The following ABCA1 variants were observed in gnomAD, a reference collection of about 807,000 sequenced individuals.
ABCA1 encodes the protein phospholipid-transporting ATPase ABCA1.
A neutral mutation model predicts 262.5 loss-of-function variants in ABCA1; 133 were observed. The observed-to-expected ratio is 0.51, with a 90% CI of 0.44 to 0.59. The LOEUF (loss-of-function observed/expected upper bound fraction) is 0.59. Among genes scored for constraint, ABCA1 ranks in the 20% least tolerant of loss-of-function variants. ABCA1 has a pLI of 0.00. For synonymous variants in ABCA1, 1,022 were observed against 1,043.5 expected, an observed-to-expected ratio of 0.98 and a Z score of 0.40; for missense variants, 2,452 against 2,777.5, an observed-to-expected ratio of 0.88 and a Z score of 2.63.
intron 30 of ABCA1, among the ~76,000 whole-genome samples, chr9:104,808,061 G>A (rs1465025760): frequency 6.6e-6 from 1 of 152,054 alleles, no homozygotes; most frequent in Non-Finnish European, 1.5e-5. Context: ...AAAGGGGATT[G>A]GCTGAGACAA....
Position 104,786,843 on chromosome 9 carries a change from CA to C in ABCA1, c.6308+29del, listed in dbSNP as rs776400012. On this transcript the variant is annotated intron_variant, in intron 47 of 49. Coordinates refer to ENST00000374736, the MANE Select transcript of ABCA1 (RefSeq NM_005502.4). ...CTACTTGGAAAGTTAAAACATCCCA[CA>C]GTGAGGAACCCAAGACTTTACTACG... 1.3e-5 allele frequency: 20 copies of C among 1,572,698 alleles called. No homozygotes were observed. In the African/African-American group the frequency reaches 2.6e-4, roughly 20 times the overall value.
chr9:104,800,468 A>G, intron 35 of ABCA1, 42 bp downstream of exon 35: 1 of 1,555,614 alleles, frequency 6.4e-7, no homozygotes, highest in Non-Finnish European at 8.9e-7. Flanking sequence ...CATAAGGATT[A>G]TTGTTCATCA....
At chr9:104,867,533 G>A (rs1588454054) in intron 5 of ABCA1, among the ~76,000 whole-genome samples, 1 of 152,222 alleles carries the variant, frequency 6.6e-6, no homozygotes, top group Non-Finnish European at 1.5e-5. Flanking sequence ...GCACATGTGT[G>A]TATGTGTGTG....
At position 104,825,832 on chromosome 9, in the gene ABCA1, T is replaced by C; in HGVS notation, c.2393A>G (p.Glu798Gly). Residue 798 changes from glutamate to glycine, a missense_variant, in exon 17 of 50, where the codon GAG becomes GGG. By Grantham distance (98) the Glu-to-Gly change is moderately conservative. Around this residue, in one of 4 missense-constraint regions of ABCA1, gnomAD observed 1,032 missense variants for 1,089.7 expected, o/e 0.95. Coordinates refer to ENST00000374736, the MANE Select transcript of ABCA1 (RefSeq NM_005502.4). Reference sequence around the variant, plus strand: ...CCACTGCACTCCAATGCCCTGCTCCTCAAAAAGGGCAAAGTACTCACAGCC... The same window carrying C: ...CCACTGCACTCCAATGCCCTGCTCCCCAAAAAGGGCAAAGTACTCACAGCC... ...GFGCEYFALF[E>G]EQGIGVQWDN... 1 of 1,614,146 alleles carries C rather than the reference T, an allele frequency of 6.2e-7. No individual in the cohort carries two copies. Among genetic ancestry groups the C allele is most frequent in the South Asian group, 1.1e-5 (1 of 91,086 alleles).
chr9:104,850,092 T>A (rs1835244171), intron 7 of ABCA1, among the ~76,000 whole-genome samples: 1 of 151,524 alleles, frequency 6.6e-6, no homozygotes, highest in South Asian at 2.1e-4. Flanking sequence ...CACGGCAAAA[T>A]GATGGATGAT....
At chr9:104,818,048 T>C (rs1486810581) in intron 23 of ABCA1, among the ~76,000 whole-genome samples, 2 of 152,156 alleles carry the variant, frequency 1.3e-5, no homozygotes, top group Non-Finnish European at 2.9e-5. Context: ...GTTATTTACC[T>C]GCTGGGTGAC....
chr9:104,844,848 A>G (rs1016728252), intron 8 of ABCA1, among the ~76,000 whole-genome samples: 1 of 152,176 alleles, frequency 6.6e-6, no homozygotes, highest in African/African-American at 2.4e-5. Flanking sequence ...AGAAAGGTGG[A>G]GTGTGCACTG....
At chr9:104,890,677 G>T (rs756077114) in intron 2 of ABCA1, among the ~76,000 whole-genome samples, 20 of 151,850 alleles carry the variant, frequency 1.3e-4, no homozygotes, top group Non-Finnish European at 2.4e-4. Context: ...TAGCTCACTG[G>T]AACGTCAAAC....
At chr9:104,790,173 T>C (rs1829305713) in intron 44 of ABCA1, among the ~76,000 whole-genome samples, 1 of 151,952 alleles carries the variant, frequency 6.6e-6, no homozygotes, top group Non-Finnish European at 1.5e-5. Context: ...CTATAAAATG[T>C]AGCTGTATTC....
Position 104,840,345 on chromosome 9 carries a change from AGTT to A in ABCA1, c.985_987del (p.Asn329del). 1.9e-6 allele frequency: 3 copies of A among 1,614,182 alleles called. No individual in the cohort carries two copies. Among genetic ancestry groups the A allele is most frequent in the Non-Finnish European group, 2.5e-6 (3 of 1,180,048 alleles). ...CCATTGCCTCCAAAGAGGGCTTTGTAGTTGTTGTCCTCATACCAGTTGAGAGAC... is the reference window on the plus strand; with the variant it reads ...CCATTGCCTCCAAAGAGGGCTTTGTAGTTGTCCTCATACCAGTTGAGAGAC... On this transcript the variant is annotated inframe_deletion, in exon 9 of 50. Coordinates refer to ENST00000374736, the MANE Select transcript of ABCA1 (RefSeq NM_005502.4).
intron 32 of ABCA1, among the ~76,000 whole-genome samples, chr9:104,803,843 G>C (rs1431248452): frequency 6.6e-6 from 1 of 152,140 alleles, no homozygotes; most frequent in Non-Finnish European, 1.5e-5. Flanking sequence ...CTGACCTCAA[G>C]TGATCCACCC....
intron 36 of ABCA1, 54 bp from the exon 37 acceptor site, chr9:104,798,652 C>T (rs1830092485): frequency 6.6e-7 from 1 of 1,519,096 alleles, no homozygotes; most frequent in Non-Finnish European, 9.0e-7. Context: ...AGTTAGGGCT[C>T]AATCAGTGAG....
At chr9:104,864,239 T>A (rs1427031327) in intron 5 of ABCA1, among the ~76,000 whole-genome samples, 1 of 152,146 alleles carries the variant, frequency 6.6e-6, no homozygotes, top group Non-Finnish European at 1.5e-5. Flanking sequence ...AGTACCATCA[T>A]AGGAGATTTC....
intron 5 of ABCA1, among the ~76,000 whole-genome samples, chr9:104,874,838 G>A (rs1414915632): frequency 3.0e-4 from 42 of 141,858 alleles, no homozygotes; most frequent in African/African-American, 1.0e-3. Flanking sequence ...GCCAGCCCCC[G>A]CCCGGCCAGC....
intron 7 of ABCA1, among the ~76,000 whole-genome samples, chr9:104,847,177 A>C (rs1488409668): frequency 6.6e-6 from 1 of 152,162 alleles, no homozygotes; most frequent in East Asian, 1.9e-4. Context: ...TAGTTAATCC[A>C]CTTCTTTTAT....
chr9:104,822,879 A>C (rs1261301230), intron 18 of ABCA1, among the ~76,000 whole-genome samples: 1 of 152,158 alleles, frequency 6.6e-6, no homozygotes, highest in African/African-American at 2.4e-5. Context: ...GAGCATTCAG[A>C]GTCTATTGGG....
rs1219437875 is a variant in ABCA1, at chr9:104,784,462, A to G, written c.6646-7T>C. 1.2e-6 allele frequency: 2 copies of G among 1,613,920 alleles called. No homozygotes were observed. The highest frequency in any genetic ancestry group is 1.7e-6 in the Non-Finnish European group (2 of 1,179,998). On this transcript the variant is annotated splice_polypyrimidine_tract_variant and splice_region_variant and intron_variant, in intron 49 of 49. Coordinates refer to ENST00000374736, the MANE Select transcript of ABCA1 (RefSeq NM_005502.4). ...TGGCAAAGTTCACAAATACCTGTTA[A>G]AAGATTAAGATGGACCTTTATAAAT...
intron 1 of ABCA1, among the ~76,000 whole-genome samples, chr9:104,908,209 G>C (rs1841286495): frequency 6.6e-6 from 1 of 152,212 alleles, no homozygotes; most frequent in Non-Finnish European, 1.5e-5. Context: ...AAATGGAAGA[G>C]CCACTTTGGA....
intron 5 of ABCA1, among the ~76,000 whole-genome samples, chr9:104,867,640 G>A (rs928109662): frequency 1.3e-5 from 2 of 152,204 alleles, no homozygotes; most frequent in South Asian, 4.1e-4. Flanking sequence ...TAAGGTAAAG[G>A]AAAGGTTGAA....
Sources: gnomAD v4.1 joint callset for allele counts (sites outside exome capture counted in the v4.1 genomes callset) on GRCh38, gnomAD v4.1.1 for gene constraint, gnomAD v4.1.1 regional missense constraint, MANE v1.5 for transcripts, NCBI Gene and HGNC (gene_info 2026-07-23, HGNC 2026-07-21) for gene names.